Variants in CTNNA2 observed in about 807,000 individuals in gnomAD.
CTNNA2 encodes catenin alpha-2.
A neutral mutation model predicts 101.0 loss-of-function variants in CTNNA2; 42 were observed. That is an observed-to-expected ratio of 0.42 (90% CI 0.32 to 0.54). The LOEUF (loss-of-function observed/expected upper bound fraction) is 0.54, where lower values mean the gene tolerates loss of function less well. Ranked by LOEUF, CTNNA2 falls within the 20% of genes least tolerant of loss-of-function variation. CTNNA2 has a pLI of 0.14. For synonymous variants in CTNNA2, 450 were observed against 456.4 expected (o/e 0.99, Z 0.18); for missense variants, 871 against 1,223.1 (o/e 0.71, Z 4.29).
intron 4 of CTNNA2, among the ~76,000 whole-genome samples, chr2:79,430,977 T>C (rs1678653679): frequency 6.6e-6 from 1 of 152,220 alleles, no homozygotes; most frequent in African/African-American, 2.4e-5. Flanking sequence ...AAGACTTCCA[T>C]GTTTGTGCTC....
At chr2:79,626,001 G>A (rs920665700) in intron 1 of CTNNA2, among the ~76,000 whole-genome samples, 2 of 152,106 alleles carry the variant, frequency 1.3e-5, no homozygotes, top group African/African-American at 4.8e-5. Context: ...CCAGCCTGGG[G>A]GAATGAGGGA....
At chr2:79,534,586 A>T (rs1433609487) in intron 1 of CTNNA2, among the ~76,000 whole-genome samples, 3 of 152,008 alleles carry the variant, frequency 2.0e-5, no homozygotes, top group Non-Finnish European at 2.9e-5. Context: ...TTAGTTTATT[A>T]TAAAAAAGAT....
chr2:80,576,081 A>G (rs1350870038), intron 13 of CTNNA2, among the ~76,000 whole-genome samples: 1 of 152,174 alleles, frequency 6.6e-6, no homozygotes, highest in Non-Finnish European at 1.5e-5. Context: ...GACAAGTAGA[A>G]TTGTTTCTTT....
Position 79,680,226 on chromosome 2 carries a change from C to T in CTNNA2, c.102+28568C>T, listed in dbSNP as rs1683469109. On this transcript the variant is annotated intron_variant, in intron 2 of 18. Transcript: ENST00000402739. ...CTCGGGATTTAGAGATTTATCTTCCCTTAGGATATCCCTCCTTCATGAATA... is the reference window on the plus strand; with the variant it reads ...CTCGGGATTTAGAGATTTATCTTCCTTTAGGATATCCCTCCTTCATGAATA... Among the ~76,000 whole-genome samples the T allele has an allele frequency of 2.6e-5, 4 of 151,920 alleles. No homozygotes were observed. The South Asian group carries it at 8.3e-4, about 32-fold the overall frequency.
chr2:80,263,420 C>A (rs544456802), intron 7 of CTNNA2, among the ~76,000 whole-genome samples: 1 of 152,116 alleles, frequency 6.6e-6, no homozygotes, highest in Admixed American at 6.5e-5. Flanking sequence ...CTGAAACCTC[C>A]GCCTCCTGGG....
intron 7 of CTNNA2, chr2:80,304,796 A>G (rs1455096622): frequency 6.6e-6 from 1 of 152,338 alleles, no homozygotes; most frequent in Non-Finnish European, 1.5e-5. Flanking sequence ...CACCTCAGAC[A>G]TGGGCAGATT....
At chr2:79,930,334 A>AC (rs1687349208) in intron 7 of CTNNA2, among the ~76,000 whole-genome samples, 1 of 149,362 alleles carries the variant, frequency 6.7e-6, no homozygotes, top group Admixed American at 6.7e-5. Flanking sequence ...GAAAGAAAGA[A>AC]AGAAAGAAAG....
At chr2:80,621,558 C>T (rs1042813888) in intron 18 of CTNNA2, among the ~76,000 whole-genome samples, 3 of 151,792 alleles carry the variant, frequency 2.0e-5, no homozygotes, top group Non-Finnish European at 2.9e-5. Flanking sequence ...TTTGGAAGAC[C>T]GATTCATGTT....
Position 79,874,190 on chromosome 2 carries a change from G to A in CTNNA2, c.700G>A (p.Ala234Thr), listed in dbSNP as rs371032975. 5 of 1,613,940 alleles carry A rather than the reference G, an allele frequency of 3.1e-6. No homozygotes were observed. The highest frequency in any genetic ancestry group is 2.2e-5 in the East Asian group (1 of 44,844). The change falls in exon 6 of 19, where the codon GCC becomes ACC. Residue 234 changes from alanine (A) to threonine (T), a missense_variant. Ala to Thr is a moderately conservative substitution (Grantham distance 58). Around this residue, in one of 5 missense-constraint regions of CTNNA2, gnomAD observed 647 missense variants for 831.5 expected, o/e 0.78. Transcript: ENST00000402739. The part of the protein sequence containing the change: ...SQAFLRHPDV[A>T]ATRANRDYVF... ...AGCATTTCTCCGCCACCCAGATGTC[G>A]CCGCTACGAGAGCCAACCGAGATTA...
chr2:79,271,048 A>G (rs540562014), intron 2 of CTNNA2, among the ~76,000 whole-genome samples: 1 of 152,136 alleles, frequency 6.6e-6, no homozygotes, highest in Non-Finnish European at 1.5e-5. Context: ...CTTTGGAGCC[A>G]TGGCATGAGG....
intron 3 of CTNNA2, among the ~76,000 whole-genome samples, chr2:79,350,069 T>C (rs1212489725): frequency 1.1e-5 from 1 of 91,502 alleles, no homozygotes; most frequent in African/African-American, 5.4e-5. Flanking sequence ...GCGAGACTCC[T>C]TCTCAAAAAA....
At chr2:79,740,528 C>G (rs1479261329) in intron 2 of CTNNA2, among the ~76,000 whole-genome samples, 1 of 152,092 alleles carries the variant, frequency 6.6e-6, no homozygotes, top group East Asian at 1.9e-4. Flanking sequence ...TCAGATATTA[C>G]AGGGCATTGC....
chr2:79,622,491 T>C (rs17017351), intron 1 of CTNNA2, among the ~76,000 whole-genome samples: 24,837 of 152,192 alleles, frequency 0.16, 3,486 homozygotes, highest in African/African-American at 0.39. Context: ...TGATAAATGA[T>C]GTTTTTAACA....
chr2:79,934,469 A>T (rs2104433770), intron 7 of CTNNA2, among the ~76,000 whole-genome samples: 1 of 152,374 alleles, frequency 6.6e-6, no homozygotes, highest in Middle Eastern at 3.4e-3. Flanking sequence ...TTGAGGCTCA[A>T]ATAAGTCAAT....
At chr2:79,314,357 G>A (rs779652391) in intron 3 of CTNNA2, among the ~76,000 whole-genome samples, 2 of 152,178 alleles carry the variant, frequency 1.3e-5, no homozygotes, top group African/African-American at 2.4e-5. Context: ...AGAAGTTCTC[G>A]TTATGTTGGG....
At chr2:80,458,682 C>A (rs1684178404) in intron 9 of CTNNA2, among the ~76,000 whole-genome samples, 1 of 152,152 alleles carries the variant, frequency 6.6e-6, no homozygotes, top group Admixed American at 6.5e-5. Context: ...TTGGAAAGGA[C>A]CTTGAAGTTC....
intron 7 of CTNNA2, among the ~76,000 whole-genome samples, chr2:80,067,743 C>T (rs183619167): frequency 6.6e-6 from 1 of 152,310 alleles, no homozygotes; most frequent in African/African-American, 2.4e-5. Flanking sequence ...CCCTACTCTT[C>T]TGGATCCCTC....
intron 7 of CTNNA2, among the ~76,000 whole-genome samples, chr2:80,101,713 A>G (rs1436048687): frequency 2.0e-5 from 3 of 152,202 alleles, no homozygotes; most frequent in East Asian, 1.9e-4. Flanking sequence ...GCATGGCAGC[A>G]TATCTCCTCT....
rs545857696 is a variant in CTNNA2 at position 80,207,442 on chromosome 2, A to G, written c.1057-185769A>G. 2.6e-5 allele frequency among the ~76,000 whole-genome samples: 4 copies of G among 152,328 alleles called. No homozygotes were observed. In the East Asian group the frequency reaches 5.8e-4, roughly 22 times the overall value. ...ACTAAAACCGCATGGAGACTGGAGT[A>G]GAGAGAGAGGTGAAATGGAGGCAGA... On this transcript the variant is annotated intron_variant, in intron 7 of 18. Coordinates refer to ENST00000402739, the MANE Select transcript of CTNNA2 (RefSeq NM_001282597.3).
Sources: gnomAD v4.1 joint callset for allele counts (sites outside exome capture counted in the v4.1 genomes callset) on GRCh38, gnomAD v4.1.1 for gene constraint, gnomAD v4.1.1 regional missense constraint, MANE v1.5 for transcripts, NCBI Gene and HGNC (gene_info 2026-07-23, HGNC 2026-07-21) for gene names.